MUC12: variants seen among roughly 807,000 people sequenced by gnomAD.
MUC12 encodes mucin 12, cell surface associated, also known as mucin-12.
Under a neutral mutation model 230.8 loss-of-function variants are expected in MUC12, and 172 were observed. The ratio of observed to expected loss-of-function variants is 0.75; its 90% CI spans 0.66 to 0.85. MUC12 has a LOEUF of 0.85. Among genes scored for constraint, MUC12 ranks in the 40% least tolerant of loss-of-function variants. The pLI is 0.00. For missense variants in MUC12, 3,506 were observed against 5,920.6 expected (o/e 0.59, Z 13.38); for synonymous variants, 1,259 against 2,401.9 (o/e 0.52, Z 13.91).
In MUC12 at chr7:100,990,845, A is replaced by T. The variant is rs1339188907; in HGVS notation, c.282A>T (p.Thr94=). The part of the protein sequence containing the change: ...SHSGPGATGT[T]LFPSHSATSV... ...GCGGCCCAGGTGCAACTGGAACAAC[A>T]CTCTTCCCTTCCCACTCTGCAACCT... Residue 94 remains threonine (T), a synonymous_variant, in exon 2 of 12, where the codon ACA becomes ACT. Coordinates refer to ENST00000536621, the MANE Select transcript of MUC12 (RefSeq NM_001164462.2). 3 of 1,537,172 alleles carry T rather than the reference A, an allele frequency of 2.0e-6. No individual in the cohort carries two copies. In the Admixed American group the frequency reaches 5.9e-5, roughly 30 times the overall value.
In MUC12 at chr7:101,005,424, C is replaced by T. The variant is rs1480774029; in HGVS notation, c.14861C>T (p.Thr4954Ile). ...ACACTCTTTCCTGCGAGTTCCAGCA[C>T]ATCAGGCCTCACTGAGGAATCTACC... ...YTTLFPASSS[T>I]SGLTEESTTF... The change falls in exon 2 of 12, where the codon ACA becomes ATA. Residue 4954 changes from threonine (T) to isoleucine (I), a missense_variant. Coordinates refer to ENST00000536621, the MANE Select transcript of MUC12 (RefSeq NM_001164462.2). 3 of 1,537,840 alleles carry T rather than the reference C, an allele frequency of 2.0e-6. No homozygotes were observed. Among genetic ancestry groups the T allele is most frequent in the East Asian group, 2.4e-5 (1 of 40,936 alleles).
chr7:100,969,794 ATGGC>A, intron 1 of MUC12, 105 bp downstream of exon 1: 2 of 1,473,314 alleles, frequency 1.4e-6, no homozygotes, highest in Non-Finnish European at 1.8e-6. Flanking sequence ...TCCCCTTTGC[ATGGC>A]AAGGGGCTGC....
chr7:100,990,399 C>T (rs532778141), intron 1 of MUC12, among the ~76,000 whole-genome samples: 3 of 152,292 alleles, frequency 2.0e-5, no homozygotes, highest in South Asian at 2.1e-4. Context: ...TAGATGAAAT[C>T]GGTGCCTGGT....
intron 1 of MUC12, among the ~76,000 whole-genome samples, chr7:100,988,956 C>G (rs1477909947): frequency 6.6e-6 from 1 of 152,140 alleles, no homozygotes; most frequent in Non-Finnish European, 1.5e-5. Context: ...CTCATTCTCT[C>G]TCTTGCCTGC....
At chr7:100,971,376 T>C (rs1792890114) in intron 1 of MUC12, among the ~76,000 whole-genome samples, 1 of 144,330 alleles carries the variant, frequency 6.9e-6, no homozygotes, top group Non-Finnish European at 1.5e-5. Context: ...GACCTTGAGT[T>C]GAAGGCTGTG....
chr7:100,992,098 T>A lies in MUC12; in HGVS notation c.1535T>A (p.Met512Lys). Reference sequence around the variant, plus strand: ...GACACAACACACTTACCTGCCAGCATGACAAGCTCAGGCGTCAGTGAAGAA... The same window carrying A: ...GACACAACACACTTACCTGCCAGCAAGACAAGCTCAGGCGTCAGTGAAGAA... ...SPDTTHLPAS[M>K]TSSGVSEEST... The change falls in exon 2 of 12, where the codon ATG (methionine) becomes AAG (lysine). Residue 512 changes from methionine to lysine, a missense_variant. By Grantham distance (95) the Met-to-Lys change is moderately conservative. Coordinates refer to ENST00000536621, the MANE Select transcript of MUC12 (RefSeq NM_001164462.2). 6.5e-7 allele frequency: 1 copy of A among 1,537,166 alleles called. No individual in the cohort carries two copies. The highest frequency in any genetic ancestry group is 8.7e-7 in the Non-Finnish European group (1 of 1,146,640).
At position 101,004,738 on chromosome 7, in the gene MUC12, A is replaced by G. The variant is rs764056016; in HGVS notation, c.14175A>G (p.Leu4725=). Reference sequence around the variant, plus strand: ...CTCCAGGCTCAATGGAAACAACATTAGCCAGCACTGCCACAACACCAGGCC... The same window carrying G: ...CTCCAGGCTCAATGGAAACAACATTGGCCAGCACTGCCACAACACCAGGCC... The part of the protein sequence containing the change: ...YISPGSMETT[L]ASTATTPGLS... Residue 4725 remains leucine, a synonymous_variant, in exon 2 of 12, where the codon TTA becomes TTG. Coordinates refer to ENST00000536621, the MANE Select transcript of MUC12 (RefSeq NM_001164462.2). The G allele has an allele frequency of 2.0e-6, 3 of 1,536,958 alleles. No homozygotes were observed. The highest frequency in any genetic ancestry group is 4.9e-5 in the East Asian group (2 of 40,902).
At chr7:100,977,256 A>T (rs1793046758) in intron 1 of MUC12, among the ~76,000 whole-genome samples, 1 of 152,054 alleles carries the variant, frequency 6.6e-6, no homozygotes, top group Non-Finnish European at 1.5e-5. Context: ...GCTTCAAGCA[A>T]CATAAATTTA....
In MUC12 at chr7:101,012,403, T is replaced by C. The variant is rs1450723502; in HGVS notation, c.15359T>C (p.Met5120Thr). Residue 5120 changes from methionine (M) to threonine (T), a missense_variant, in exon 6 of 12, where the codon ATG becomes ACG. Transcript: ENST00000536621. ...GCAGAGATTGTAAAGGCCAAGATTA[T>C]GAATGAAACTAGAACAACTCTTCTT... ...NLAEIVKAKIMNETRTTLLDP... is the reference protein window; with the variant it reads ...NLAEIVKAKITNETRTTLLDP... 4.6e-6 allele frequency: 7 copies of C among 1,537,756 alleles called. No individual in the cohort carries two copies. Among genetic ancestry groups the C allele is most frequent in the Middle Eastern group, 3.3e-4 (2 of 6,018 alleles).
intron 6 of MUC12, 139 bp from the exon 7 acceptor site, chr7:101,012,680 G>T: frequency 1.9e-6 from 2 of 1,037,208 alleles, no homozygotes; most frequent in African/African-American, 1.6e-5. Flanking sequence ...AAGCCCAGCT[G>T]CATGTCTAGG....
chr7:100,991,744 C>G lies in MUC12; in HGVS notation c.1181C>G (p.Thr394Arg). ...EESATFHGST[T>R]HTKSSTPSTT... ...TCAGCAACTTTCCACGGCAGCACAA[C>G]ACACACAAAATCTTCAACTCCTAGC... The change falls in exon 2 of 12, where the codon ACA (threonine) becomes AGA (arginine). Residue 394 changes from threonine to arginine, a missense_variant. Coordinates refer to ENST00000536621, the MANE Select transcript of MUC12 (RefSeq NM_001164462.2). 6.5e-7 allele frequency: 1 copy of G among 1,537,988 alleles called. No individual in the cohort carries two copies. Among genetic ancestry groups the G allele is most frequent in the South Asian group, 1.2e-5 (1 of 84,064 alleles).
In MUC12 at chr7:101,004,416, C is replaced by G. The variant is rs1793692745; in HGVS notation, c.13853C>G (p.Pro4618Arg). Reference protein sequence around the residue: ...SPGSTQTMHFPESSTASGRSE... With the variant: ...SPGSTQTMHFRESSTASGRSE... ...GGCTCAACTCAAACAATGCACTTCC[C>G]TGAAAGCTCCACAGCTTCAGGTCGT... Residue 4618 changes from proline (P) to arginine (R), a missense_variant, in exon 2 of 12, where the codon CCT (proline) becomes CGT (arginine). Transcript: ENST00000536621. 17 of 1,513,332 alleles carry G rather than the reference C, an allele frequency of 1.1e-5. No individual in the cohort carries two copies. Among genetic ancestry groups the G allele is most frequent in the Non-Finnish European group, 1.4e-5 (16 of 1,139,192 alleles). The allele number at this position is 1,513,332 out of a possible 1,614,324, so 93.7% of individuals were successfully genotyped here. A position where few individuals can be genotyped will look rare whatever the true frequency, so the allele number is the denominator to read the frequency against.
chr7:101,006,627 A>G, intron 3 of MUC12, 55 bp downstream of exon 3: 1 of 1,223,228 alleles, frequency 8.2e-7, no homozygotes. Context: ...ACCCCTGAAA[A>G]CAGCATGGCA....
chr7:100,992,091 G>T lies in MUC12; in HGVS notation c.1528G>T (p.Ala510Ser), dbSNP rs1477552858. The T allele has an allele frequency of 2.0e-6, 3 of 1,537,186 alleles. No individual in the cohort carries two copies. Among genetic ancestry groups the T allele is most frequent in the Non-Finnish European group, 2.6e-6 (3 of 1,146,624 alleles). The change falls in exon 2 of 12, where the codon GCC becomes TCC. Residue 510 changes from alanine to serine, a missense_variant. Transcript: ENST00000536621. ...ATCACCAGACACAACACACTTACCT[G>T]CCAGCATGACAAGCTCAGGCGTCAG... The part of the protein sequence containing the change: ...PRSPDTTHLP[A>S]SMTSSGVSEE...
intron 1 of MUC12, among the ~76,000 whole-genome samples, chr7:100,976,617 G>T (rs1328883433): frequency 6.7e-6 from 1 of 150,330 alleles, no homozygotes; most frequent in Non-Finnish European, 1.5e-5. Context: ...AAAAAAAAAT[G>T]CAAATATTCA....
chr7:100,972,703 A>G lies in MUC12; in HGVS notation c.67+3014A>G, dbSNP rs529657397. 1.1e-4 allele frequency among the ~76,000 whole-genome samples: 16 copies of G among 152,126 alleles called. No individual in the cohort carries two copies. The South Asian group carries it at 2.3e-3, about 22-fold the overall frequency. On this transcript the variant is annotated intron_variant, in intron 1 of 11. Transcript: ENST00000536621. ...TGTGTTTTTGGTAGAACAGGGTTTC[A>G]CTATGTTGGCCAGGCTGGTCTTGAG...
In MUC12 at chr7:100,992,094, A is replaced by C. The variant is rs10808115; in HGVS notation, c.1531A>C (p.Ser511Arg). 800,524 of 1,537,264 alleles carry C rather than the reference A, an allele frequency of 0.52. 209,797 individuals are homozygous for C. The highest frequency in any genetic ancestry group is 0.6 in the East Asian group (24,446 of 40,904). Residue 511 changes from serine to arginine, a missense_variant, in exon 2 of 12, where the codon AGC becomes CGC. Physicochemically the swap from Ser to Arg is moderately radical, Grantham distance 110. Transcript: ENST00000536621. The part of the protein sequence containing the change: ...RSPDTTHLPA[S>R]MTSSGVSEES... ...ACCAGACACAACACACTTACCTGCC[A>C]GCATGACAAGCTCAGGCGTCAGTGA... is the stretch of plus-strand genomic sequence containing the variant.
In MUC12 at chr7:101,003,458, G is replaced by A. The variant is rs766461872; in HGVS notation, c.12895G>A (p.Ala4299Thr). The A allele has an allele frequency of 1.6e-4, 158 of 1,009,956 alleles. 21 individuals carry two copies. Among genetic ancestry groups the A allele is most frequent in the Non-Finnish European group, 2.1e-4 (146 of 701,246 alleles). The allele number at this position is 1,009,956 out of a possible 1,614,324, so 62.6% of individuals were successfully genotyped here. ...DNTTASGLLEASTPVHSSTGS... is the reference protein window; with the variant it reads ...DNTTASGLLETSTPVHSSTGS... ...CACCACAGCCTCAGGCCTCCTTGAA[G>A]CATCTACACCCGTCCACAGCAGCAC... Residue 4299 changes from alanine to threonine, a missense_variant, in exon 2 of 12, where the codon GCA becomes ACA. Ala to Thr is a moderately conservative substitution (Grantham distance 58). Coordinates refer to ENST00000536621, the MANE Select transcript of MUC12 (RefSeq NM_001164462.2).
At chr7:100,980,251 C>G (rs1295289818) in intron 1 of MUC12, among the ~76,000 whole-genome samples, 1 of 152,168 alleles carries the variant, frequency 6.6e-6, no homozygotes, top group Admixed American at 6.5e-5. Flanking sequence ...CCATGTTGGC[C>G]AGGATGGTCT....
Sources: gnomAD v4.1 joint callset for allele counts (sites outside exome capture counted in the v4.1 genomes callset) on GRCh38, gnomAD v4.1.1 for gene constraint, MANE v1.5 for transcripts, NCBI Gene and HGNC (gene_info 2026-07-23, HGNC 2026-07-21) for gene names.